ENPP1: variants seen among roughly 807,000 people sequenced by gnomAD.
The protein encoded by ENPP1 is ectonucleotide pyrophosphatase/phosphodiesterase 1, also known as ectonucleotide pyrophosphatase/phosphodiesterase family member 1.
In ENPP1, 73 loss-of-function variants were observed where a neutral mutation model predicts 122.8. That is an observed-to-expected ratio of 0.59 (90% CI 0.49 to 0.72). ENPP1 has a LOEUF of 0.72. Ranked by LOEUF, ENPP1 falls within the 30% of genes least tolerant of loss-of-function variation. The pLI, the probability that ENPP1 is intolerant of heterozygous loss-of-function variation, is 0.00. For synonymous variants in ENPP1, 367 were observed against 391.6 expected (o/e 0.94, Z 0.74); for missense variants, 978 against 1,128.1 (o/e 0.87, Z 1.91).
At chr6:131,830,209 G>C (rs1361524754) in intron 1 of ENPP1, among the ~76,000 whole-genome samples, 1 of 152,160 alleles carries the variant, frequency 6.6e-6, no homozygotes, top group Non-Finnish European at 1.5e-5. Flanking sequence ...CCTGTGGAAG[G>C]CAACGCAAGA....
In ENPP1 at chr6:131,827,516, G is replaced by A. The variant is rs1309990299; in HGVS notation, c.240+19241G>A. 7.4e-5 allele frequency: 46 copies of A among 624,482 alleles called. 2 individuals are homozygous for A. In the South Asian group the frequency reaches 7.8e-4, roughly 11 times the overall value. 38.7% of individuals were successfully genotyped at this position (624,482 alleles called of 1,614,324 possible). The stretch of plus-strand genomic sequence containing the variant: ...TTTCTGCGAAGGAATAGACACACTG[G>A]TAGGCTTATATCCTGTAAAAGCCTA... On this transcript the variant is annotated intron_variant, in intron 1 of 24. Transcript: ENST00000647893.
Position 131,852,215 on chromosome 6 carries a change from T to A in ENPP1, c.597T>A (p.Asn199Lys). 6.2e-7 allele frequency: 1 copy of A among 1,605,708 alleles called. No homozygotes were observed. The highest frequency in any genetic ancestry group is 8.5e-7 in the Non-Finnish European group (1 of 1,175,726). ...TAGAAGAACCATGTGAGAGCATTAATGAGCCACAGTGCCCAGCAGGGTAAG... is the reference window on the plus strand; with the variant it reads ...TAGAAGAACCATGTGAGAGCATTAAAGAGCCACAGTGCCCAGCAGGGTAAG... The part of the protein sequence containing the change: ...SWVEEPCESI[N>K]EPQCPAGFET... The change falls in exon 5 of 25, where the codon AAT becomes AAA. Residue 199 changes from asparagine (N) to lysine (K), a missense_variant. Physicochemically the swap from Asn to Lys is moderately conservative, Grantham distance 94 (BLOSUM62 0). This residue lies in a region of ENPP1 where 330 missense variants were observed against 328.5 expected (regional missense o/e 1.00). Coordinates refer to ENST00000647893, the MANE Select transcript of ENPP1 (RefSeq NM_006208.3).
chr6:131,873,010 C>T lies in ENPP1; in HGVS notation c.1525C>T (p.Pro509Ser). Residue 509 changes from proline to serine, a missense_variant, in exon 15 of 25, where the codon CCC becomes TCC. Transcript: ENST00000647893. ...LHFAKSDRIE[P>S]LTFYLDPQWQ... The stretch of plus-strand genomic sequence containing the variant: ...CTTTGCTAAGAGTGATAGAATTGAG[C>T]CCTTGACATTCTATTTGGACCCTCA... 1.2e-6 allele frequency: 2 copies of T among 1,613,624 alleles called. No individual in the cohort carries two copies. The highest frequency in any genetic ancestry group is 1.7e-6 in the Non-Finnish European group (2 of 1,179,616).
intron 1 of ENPP1, among the ~76,000 whole-genome samples, chr6:131,845,928 A>C (rs1404725701): frequency 6.6e-6 from 1 of 152,076 alleles, no homozygotes; most frequent in East Asian, 1.9e-4. Flanking sequence ...CACACACACA[A>C]AGAAAAACAC....
At chr6:131,863,237 C>T (rs1782045795) in intron 9 of ENPP1, among the ~76,000 whole-genome samples, 1 of 152,096 alleles carries the variant, frequency 6.6e-6, no homozygotes, top group South Asian at 2.1e-4. Flanking sequence ...TTAATGGTAC[C>T]TCTGGATTTC....
At chr6:131,858,194 C>G (rs550167212) in intron 6 of ENPP1, among the ~76,000 whole-genome samples, 1 of 152,306 alleles carries the variant, frequency 6.6e-6, no homozygotes, top group African/African-American at 2.4e-5. Flanking sequence ...CTTGAAGCCA[C>G]AAGATGCCTT....
At chr6:131,826,884 T>G in intron 1 of ENPP1, 1 of 374,064 alleles carries the variant, frequency 2.7e-6, no homozygotes. Context: ...AAAGATAAGG[T>G]TCCTTCAGAT....
chr6:131,827,585 A>AT (rs1781560792), intron 1 of ENPP1: 1 of 594,420 alleles, frequency 1.7e-6, no homozygotes, highest in Non-Finnish European at 3.1e-6. Flanking sequence ...GTAGGTTAAA[A>AT]AATATGGAAC....
chr6:131,854,806 G>A (rs1322201176), intron 5 of ENPP1, 120 bp from the exon 6 acceptor site: 2 of 739,634 alleles, frequency 2.7e-6, no homozygotes, highest in Non-Finnish European at 4.9e-6. Flanking sequence ...GTTTTCTTAA[G>A]ATCACACAGA....
intron 1 of ENPP1, among the ~76,000 whole-genome samples, chr6:131,829,869 A>G (rs1397664005): frequency 6.6e-6 from 1 of 152,184 alleles, no homozygotes; most frequent in African/African-American, 2.4e-5. Context: ...AGGACAAGGT[A>G]GATACATTCT....
intron 1 of ENPP1, chr6:131,827,971 A>C: frequency 1.3e-6 from 1 of 779,372 alleles, no homozygotes; most frequent in Non-Finnish European, 2.3e-6. Flanking sequence ...AAAATGCTCA[A>C]GCTTGGAGCT....
rs916988639 is a variant in ENPP1, at chr6:131,849,276, G to C, written c.314-714G>C. Among the ~76,000 whole-genome samples, 4 of 152,238 alleles carry C rather than the reference G, an allele frequency of 2.6e-5. No individual in the cohort carries two copies. The East Asian group carries it at 7.7e-4, about 29-fold the overall frequency. On this transcript the variant is annotated intron_variant, in intron 2 of 24. Coordinates refer to ENST00000647893, the MANE Select transcript of ENPP1 (RefSeq NM_006208.3). ...AAGCCAGATGTGGTCTTGGTTTGCC[G>C]TCTAACTGGGATATTAACCAAATAA...
At chr6:131,864,030 G>A (rs1782057122) in intron 9 of ENPP1, among the ~76,000 whole-genome samples, 1 of 152,078 alleles carries the variant, frequency 6.6e-6, no homozygotes, top group Non-Finnish European at 1.5e-5. Flanking sequence ...ACTTGGGGTG[G>A]GGCAAGAACT....
chr6:131,877,838 C>CAAAAAAAAAAAAA lies in ENPP1; in HGVS notation c.1894-687_1894-675dup, dbSNP rs1169868832. 2 of 12,110 alleles carry CAAAAAAAAAAAAA rather than the reference C, an allele frequency of 1.7e-4. 1 individual carries two copies. Among genetic ancestry groups the CAAAAAAAAAAAAA allele is most frequent in the African/African-American group, 7.0e-4 (2 of 2,874 alleles). The allele number at this position is 12,110 out of a possible 1,614,324, so 0.8% of individuals were successfully genotyped here. A position where few individuals can be genotyped will look rare whatever the true frequency, so the allele number is the denominator to read the frequency against. The stretch of plus-strand genomic sequence containing the variant: ...TGGGCAACAGGGCAAGACCCTTTCT[C>CAAAAAAAAAAAAA]AAAAAAAAAAAAAAAAAAAAAAAAA... On this transcript the variant is annotated intron_variant, in intron 18 of 24. Coordinates refer to ENST00000647893, the MANE Select transcript of ENPP1 (RefSeq NM_006208.3).
At position 131,881,763 on chromosome 6, in the gene ENPP1, A is replaced by G. The variant is rs1364678418; in HGVS notation, c.2101-582A>G. 4.6e-5 allele frequency among the ~76,000 whole-genome samples: 7 copies of G among 152,026 alleles called. No homozygotes were observed. In the East Asian group the frequency reaches 7.7e-4, roughly 17 times the overall value. On this transcript the variant is annotated intron_variant, in intron 20 of 24. Coordinates refer to ENST00000647893, the MANE Select transcript of ENPP1 (RefSeq NM_006208.3). ...CCAGGCGTGGTGGGTCACACCTGTA[A>G]TCCCAGCACTTTGAGGGGGCTGCAG...
chr6:131,835,884 A>G (rs1036164485), intron 1 of ENPP1, among the ~76,000 whole-genome samples: 2 of 152,206 alleles, frequency 1.3e-5, no homozygotes, highest in Non-Finnish European at 2.9e-5. Flanking sequence ...ACATCATATC[A>G]TACTTGAAAA....
chr6:131,882,038 T>TAA lies in ENPP1; in HGVS notation c.2101-305_2101-304dup, dbSNP rs1782317168. ...ATCTTAAAAAAATAATAATAATAAA[T>TAA]AAATAAATAAATAAATAAATATTTA... is the stretch of plus-strand genomic sequence containing the variant. On this transcript the variant is annotated intron_variant, in intron 20 of 24. Transcript: ENST00000647893. 5.4e-5 allele frequency among the ~76,000 whole-genome samples: 8 copies of TAA among 148,768 alleles called. No individual in the cohort carries two copies. The South Asian group carries it at 1.7e-3, about 31-fold the overall frequency.
chr6:131,875,094 A>G (rs1332711246), intron 16 of ENPP1, among the ~76,000 whole-genome samples: 1 of 152,150 alleles, frequency 6.6e-6, no homozygotes, highest in Non-Finnish European at 1.5e-5. Context: ...GGGATGAAAT[A>G]CCACTTATTG....
At chr6:131,859,577 G>A (rs1305178802) in intron 7 of ENPP1, among the ~76,000 whole-genome samples, 4 of 126,748 alleles carry the variant, frequency 3.2e-5, no homozygotes. Flanking sequence ...GTAGAGTCGG[G>A]GTTTTGTAGC....
Sources: allele counts gnomAD v4.1 joint callset (sites outside exome capture counted in the v4.1 genomes callset), GRCh38; gene constraint gnomAD v4.1.1; regional missense constraint gnomAD v4.1.1; transcripts MANE v1.5; gene names NCBI Gene and HGNC (gene_info 2026-07-23, HGNC 2026-07-21).